Variants in ANXA10 observed in about 807,000 individuals in gnomAD.
The protein encoded by ANXA10 is annexin 14.
Under a neutral mutation model 53.5 loss-of-function variants are expected in ANXA10, and 49 were observed. The observed-to-expected ratio is 0.92, with a 90% confidence interval of 0.73 to 1.16. ANXA10 has a LOEUF of 1.16. Among genes scored for constraint, ANXA10 ranks in the 50% most tolerant of loss-of-function variants. The pLI is 0.00. For missense variants in ANXA10, 393 were observed against 394.4 expected (o/e 1.00, Z 0.03); for synonymous variants, 131 against 128.9 (o/e 1.02, Z -0.11).
chr4:168,099,102 C>T (rs57398103), intron 1 of ANXA10, among the ~76,000 whole-genome samples: 7,690 of 152,220 alleles, frequency 0.051, 384 homozygotes, highest in African/African-American at 0.13. Flanking sequence ...ACTTTAACCA[C>T]AGCAGATATA....
intron 3 of ANXA10, among the ~76,000 whole-genome samples, chr4:168,155,750 ATAT>A (rs1173037732): frequency 1.7e-5 from 1 of 59,018 alleles, no homozygotes; most frequent in African/African-American, 7.2e-5. Flanking sequence ...CATATATTAT[ATAT>A]TATATAATAT....
At chr4:168,139,730 A>C in intron 3 of ANXA10, 150 bp downstream of exon 3, 1 of 519,244 alleles carries the variant, frequency 1.9e-6, no homozygotes, top group Non-Finnish European at 3.4e-6. Context: ...TTCCTCTTAC[A>C]TGTTTCAAGG....
At chr4:168,155,647 T>C (rs1260693909) in intron 3 of ANXA10, among the ~76,000 whole-genome samples, 9 of 64,840 alleles carry the variant, frequency 1.4e-4, no homozygotes, top group Admixed American at 2.9e-4. Flanking sequence ...TATATAATTA[T>C]ACATTATATA....
intron 2 of ANXA10, among the ~76,000 whole-genome samples, chr4:168,133,736 T>A (rs902697551): frequency 8.5e-5 from 13 of 152,070 alleles, no homozygotes; most frequent in African/African-American, 2.9e-4. Flanking sequence ...CCCTGCATTT[T>A]CCCTAGGAAC....
intron 3 of ANXA10, among the ~76,000 whole-genome samples, chr4:168,158,029 G>A (rs560407828): frequency 1.2e-4 from 18 of 152,216 alleles, no homozygotes; most frequent in African/African-American, 3.6e-4. Context: ...GTTTGCTAAC[G>A]TGGTTGCAAT....
intron 2 of ANXA10, among the ~76,000 whole-genome samples, chr4:168,137,346 G>A (rs1310737318): frequency 6.6e-6 from 1 of 152,128 alleles, no homozygotes; most frequent in Non-Finnish European, 1.5e-5. Flanking sequence ...TTGCATACTT[G>A]TGGAGTCTGT....
chr4:168,096,254 TTTGA>T (rs1730538389), intron 1 of ANXA10, among the ~76,000 whole-genome samples: 2 of 152,278 alleles, frequency 1.3e-5, no homozygotes, highest in South Asian at 4.1e-4. Flanking sequence ...GAAATCTGAC[TTTGA>T]TTGTTTATCT....
At chr4:168,134,040 T>C (rs1178405644) in intron 2 of ANXA10, among the ~76,000 whole-genome samples, 1 of 152,030 alleles carries the variant, frequency 6.6e-6, no homozygotes, top group Non-Finnish European at 1.5e-5. Flanking sequence ...TTACTTAATA[T>C]TATAAGAGAG....
At chr4:168,133,898 T>G (rs1466461621) in intron 2 of ANXA10, among the ~76,000 whole-genome samples, 1 of 152,090 alleles carries the variant, frequency 6.6e-6, no homozygotes, top group Non-Finnish European at 1.5e-5. Context: ...AAAGATAAAT[T>G]ATTTAGAAAT....
intron 3 of ANXA10, among the ~76,000 whole-genome samples, chr4:168,146,186 G>A (rs1361869177): frequency 6.6e-6 from 1 of 152,156 alleles, no homozygotes; most frequent in Non-Finnish European, 1.5e-5. Flanking sequence ...TGGGATTGCA[G>A]GCATGAGCCA....
chr4:168,159,770 T>C (rs1731749104), intron 3 of ANXA10, among the ~76,000 whole-genome samples: 1 of 152,292 alleles, frequency 6.6e-6, no homozygotes, highest in East Asian at 1.9e-4. Flanking sequence ...TTTTCTCTCT[T>C]GTTATAATGC....
At chr4:168,108,904 A>C (rs543976004) in intron 1 of ANXA10, among the ~76,000 whole-genome samples, 11 of 152,270 alleles carry the variant, frequency 7.2e-5, no homozygotes, top group African/African-American at 2.4e-4. Flanking sequence ...AGAGAACACT[A>C]TCACCTCTAC....
At chr4:168,139,776 A>T (rs774948527) in intron 3 of ANXA10, among the ~76,000 whole-genome samples, 196 bp downstream of exon 3, 3 of 152,218 alleles carry the variant, frequency 2.0e-5, no homozygotes, top group Admixed American at 6.5e-5. Flanking sequence ...TATACATGTG[A>T]GATATGTTCA....
At chr4:168,162,722 C>A in intron 4 of ANXA10, 81 bp downstream of exon 4, 1 of 989,424 alleles carries the variant, frequency 1.0e-6, no homozygotes. Flanking sequence ...TGTGATGCTC[C>A]TACATACTTA....
At chr4:168,168,497 G>A (rs1261104461) in intron 6 of ANXA10, among the ~76,000 whole-genome samples, 1 of 151,974 alleles carries the variant, frequency 6.6e-6, no homozygotes, top group Non-Finnish European at 1.5e-5. Context: ...TTGGCTCACT[G>A]CAACCTCTGC....
intron 3 of ANXA10, among the ~76,000 whole-genome samples, chr4:168,155,824 TATATG>T (rs1731629754): frequency 1.0e-4 from 1 of 9,532 alleles, no homozygotes; most frequent in African/African-American, 4.6e-4. Context: ...TTATATATGA[TATATG>T]ATATATCATA....
chr4:168,159,020 A>C (rs1302054172), intron 3 of ANXA10, among the ~76,000 whole-genome samples: 2 of 152,180 alleles, frequency 1.3e-5, no homozygotes, highest in East Asian at 3.9e-4. Flanking sequence ...CATGAGAAGC[A>C]GATACTGGTG....
In ANXA10 at chr4:168,177,899, G is replaced by C; in HGVS notation, c.544G>C (p.Glu182Gln). 1.9e-6 allele frequency: 3 copies of C among 1,614,140 alleles called. No homozygotes were observed. The highest frequency in any genetic ancestry group is 2.5e-6 in the Non-Finnish European group (3 of 1,180,012). Reference sequence around the variant, plus strand: ...CTGGCTAATGTTCCAGGTCCTATGGGAAGCCTGTCAGCAGAAGACGGGGGA... The same window carrying C: ...CTGGCTAATGTTCCAGGTCCTATGGCAAGCCTGTCAGCAGAAGACGGGGGA... ...MAAQDAMVLW[E>Q]ACQQKTGEHK... Residue 182 changes from glutamate (E) to glutamine (Q), a missense_variant, in exon 8 of 12, where the codon GAA becomes CAA. Transcript: ENST00000359299.
At chr4:168,152,670 C>T (rs1320248884) in intron 3 of ANXA10, among the ~76,000 whole-genome samples, 2 of 151,462 alleles carry the variant, frequency 1.3e-5, no homozygotes, top group Non-Finnish European at 2.9e-5. Context: ...AGAAGGGAAA[C>T]TCGCTTGGAG....
Sources: gnomAD v4.1 joint callset for allele counts (sites outside exome capture counted in the v4.1 genomes callset) on GRCh38, gnomAD v4.1.1 for gene constraint, MANE v1.5 for transcripts, NCBI Gene and HGNC (gene_info 2026-07-23, HGNC 2026-07-21) for gene names.